ASTN1: variants seen among roughly 807,000 people sequenced by gnomAD.
The protein encoded by ASTN1 is astrotactin 1.
A neutral mutation model predicts 140.7 loss-of-function variants in ASTN1; 41 were observed. The observed-to-expected ratio is 0.29, with a 90% CI of 0.23 to 0.38. ASTN1 has a LOEUF of 0.38. Ranked by LOEUF, ASTN1 falls within the 10% of genes least tolerant of loss-of-function variation. The probability of loss-of-function intolerance (pLI) is 1.00; values close to 1 mark genes in which losing one functional copy is unlikely to be tolerated. For synonymous variants in ASTN1, 640 were observed against 652.2 expected (o/e 0.98, Z 0.29); for missense variants, 1,479 against 1,678.8 (o/e 0.88, Z 2.08).
At chr1:176,922,320 T>C (rs1162500765) in intron 16 of ASTN1, among the ~76,000 whole-genome samples, 1 of 150,008 alleles carries the variant, frequency 6.7e-6, no homozygotes, top group Non-Finnish European at 1.5e-5. Context: ...GTGCAGACTT[T>C]GAATCGTAGG....
intron 16 of ASTN1, among the ~76,000 whole-genome samples, chr1:176,901,402 A>G (rs191211767): frequency 1.2e-4 from 19 of 152,336 alleles, no homozygotes; most frequent in African/African-American, 4.3e-4. Context: ...CTTGTAGCCA[A>G]TAATGTCACA....
intron 8 of ASTN1, among the ~76,000 whole-genome samples, chr1:176,990,381 C>T (rs771993411): frequency 1.1e-4 from 17 of 151,814 alleles, no homozygotes; most frequent in Non-Finnish European, 2.1e-4. Context: ...AATTCATCTT[C>T]TATTTTGGAA....
intron 22 of ASTN1, among the ~76,000 whole-genome samples, chr1:176,865,079 T>A (rs922174337): frequency 1.3e-5 from 2 of 152,224 alleles, no homozygotes; most frequent in African/African-American, 2.4e-5. Flanking sequence ...TTTGGGAATA[T>A]GCAGACTGTC....
intron 1 of ASTN1, among the ~76,000 whole-genome samples, chr1:177,083,731 A>C (rs1679287139): frequency 6.6e-6 from 1 of 152,162 alleles, no homozygotes; most frequent in Non-Finnish European, 1.5e-5. Context: ...AATTGTCAAC[A>C]CACTCTCATA....
intron 1 of ASTN1, among the ~76,000 whole-genome samples, chr1:177,105,488 C>T (rs554816387): frequency 3.7e-4 from 56 of 152,138 alleles, no homozygotes; most frequent in Non-Finnish European, 7.5e-4. Flanking sequence ...CCATATTCCT[C>T]TCCAGATAGA....
chr1:176,922,592 G>A (rs1226371941), intron 16 of ASTN1, among the ~76,000 whole-genome samples: 2 of 133,384 alleles, frequency 1.5e-5, no homozygotes, highest in African/African-American at 5.9e-5. Flanking sequence ...TTCTCACATG[G>A]GTGGGAGAAG....
chr1:176,953,722 C>T (rs1026788621), intron 11 of ASTN1, among the ~76,000 whole-genome samples: 7 of 152,102 alleles, frequency 4.6e-5, no homozygotes, highest in Non-Finnish European at 1.0e-4. Context: ...GAGGGAAGGG[C>T]GGCAGGGTCA....
chr1:176,868,922 C>T lies in ASTN1; in HGVS notation c.3569G>A (p.Arg1190Gln), dbSNP rs752299973. 5 of 1,611,998 alleles carry T rather than the reference C, an allele frequency of 3.1e-6. No homozygotes were observed. Among genetic ancestry groups the T allele is most frequent in the Non-Finnish European group, 3.4e-6 (4 of 1,178,754 alleles). Residue 1190 changes from arginine to glutamine, a missense_variant, in exon 22 of 23, where the codon CGG becomes CAG. Around this residue, in one of 3 missense-constraint regions of ASTN1, gnomAD observed 746 missense variants for 800.9 expected, o/e 0.93. Transcript: ENST00000361833. The part of the protein sequence containing the change: ...LLDLGSPTLH[R>Q]VLYHYNQHYE... ...GTGCTGGTTATAGTGGTAGAGGACC[C>T]GGTGTAAGGTGGGGGAACCCAGATC...
chr1:177,071,781 G>C (rs1457506806), intron 1 of ASTN1, among the ~76,000 whole-genome samples: 2 of 152,082 alleles, frequency 1.3e-5, no homozygotes, highest in African/African-American at 4.8e-5. Flanking sequence ...TGCCATAATG[G>C]GGGCTGGACC....
intron 1 of ASTN1, among the ~76,000 whole-genome samples, chr1:177,158,997 G>A (rs761693625): frequency 2.7e-5 from 4 of 148,692 alleles, no homozygotes; most frequent in Non-Finnish European, 5.9e-5. Context: ...AATCTGAGAG[G>A]TGGAGGTTGC....
At chr1:177,094,286 A>T (rs1366301133) in intron 1 of ASTN1, among the ~76,000 whole-genome samples, 2 of 152,232 alleles carry the variant, frequency 1.3e-5, no homozygotes, top group Non-Finnish European at 2.9e-5. Context: ...ACTGAAGTGC[A>T]TGCTCTTCAT....
At chr1:176,967,430 G>A (rs10798490) in intron 8 of ASTN1, among the ~76,000 whole-genome samples, 35,028 of 152,034 alleles carry the variant, frequency 0.23, 4,324 homozygotes, top group African/African-American at 0.32. Context: ...AGAAAGGGCA[G>A]TAAAAAAAGA....
At chr1:176,893,285 A>G (rs1669346822) in intron 17 of ASTN1, among the ~76,000 whole-genome samples, 1 of 152,104 alleles carries the variant, frequency 6.6e-6, no homozygotes, top group South Asian at 2.1e-4. Flanking sequence ...AGGGGCAGGT[A>G]AGGGAAGAAG....
Position 176,958,479 on chromosome 1 carries a change from G to C in ASTN1, c.1602C>G (p.Phe534Leu), listed in dbSNP as rs760735595. 1.2e-6 allele frequency: 2 copies of C among 1,609,964 alleles called. No homozygotes were observed. The highest frequency in any genetic ancestry group is 8.5e-7 in the Non-Finnish European group (1 of 1,178,028). Residue 534 changes from phenylalanine (F) to leucine (L), a missense_variant, in exon 10 of 23, where the codon TTC (phenylalanine) becomes TTG (leucine). Physicochemically the swap from Phe to Leu is conservative, Grantham distance 22 (BLOSUM62 0). Around this residue, in one of 3 missense-constraint regions of ASTN1, gnomAD observed 729 missense variants for 860.4 expected, o/e 0.85. Coordinates refer to ENST00000361833, the MANE Select transcript of ASTN1 (RefSeq NM_004319.3). ...ACATGCCCTCCCCAAGAGTGTAGGT[G>C]AATCTGCAGGGACACCCAGTGCCAG... Reference protein sequence around the residue: ...GEQPSDKIFRFTYTLGEGMWL... With the variant: ...GEQPSDKIFRLTYTLGEGMWL...
chr1:177,116,917 G>A (rs1020326214), intron 1 of ASTN1, among the ~76,000 whole-genome samples: 3 of 152,006 alleles, frequency 2.0e-5, no homozygotes, highest in Admixed American at 2.0e-4. Context: ...CTCCTCCCCA[G>A]GGGACCCGGG....
chr1:177,135,966 G>A (rs1682176310), intron 1 of ASTN1, among the ~76,000 whole-genome samples: 2 of 152,162 alleles, frequency 1.3e-5, no homozygotes, highest in African/African-American at 4.8e-5. Flanking sequence ...TTATAGAGAA[G>A]CACCAGCTCT....
At position 176,863,727 on chromosome 1, in the gene ASTN1, G is replaced by T. The variant is rs1055265838; in HGVS notation, c.*557C>A. On this transcript the variant is annotated 3_prime_UTR_variant, in exon 23 of 23. Transcript: ENST00000361833. The stretch of plus-strand genomic sequence containing the variant: ...TGGAAATAGTGATAGCAAGGCCTAG[G>T]AAGAAAACCAGGAGACACAGACAAG... The T allele has an allele frequency of 1.8e-5, 18 of 986,650 alleles. No individual in the cohort carries two copies. The highest frequency in any genetic ancestry group is 4.7e-5 in the South Asian group (1 of 21,360). 61.1% of individuals were successfully genotyped at this position (986,650 alleles called of 1,614,324 possible).
chr1:177,149,243 T>TAGTA (rs1156318677), intron 1 of ASTN1, among the ~76,000 whole-genome samples: 71 of 96,164 alleles, frequency 7.4e-4, no homozygotes, highest in South Asian at 9.2e-4. Flanking sequence ...AATATATATA[T>TAGTA]ACTATATATA....
intron 20 of ASTN1, among the ~76,000 whole-genome samples, chr1:176,878,335 C>T (rs963163425): frequency 6.6e-6 from 1 of 152,128 alleles, no homozygotes; most frequent in African/African-American, 2.4e-5. Context: ...TTCCTGAGTT[C>T]TTATAAATGG....
Sources: gnomAD v4.1 joint callset for allele counts (sites outside exome capture counted in the v4.1 genomes callset) on GRCh38, gnomAD v4.1.1 for gene constraint, gnomAD v4.1.1 regional missense constraint, MANE v1.5 for transcripts, NCBI Gene and HGNC (gene_info 2026-07-23, HGNC 2026-07-21) for gene names.